Variants in PML observed in about 807,000 individuals in gnomAD.
PML encodes the protein PML nuclear body scaffold.
Under a neutral mutation model 65.2 loss-of-function variants are expected in PML, and 28 were observed. That is an observed-to-expected ratio of 0.43 (90% confidence interval 0.32 to 0.59). PML has a LOEUF of 0.59. PML is among the 20% of genes least tolerant of loss of function. PML has a pLI of 0.08. For missense variants in PML, 1,021 were observed against 1,203.4 expected, an observed-to-expected ratio of 0.85 and a Z score of 2.24; for synonymous variants, 500 against 508.8, an observed-to-expected ratio of 0.98 and a Z score of 0.23.
intron 5 of PML, 32 bp downstream of exon 5, chr15:74,032,747 C>T (rs1232555372): frequency 6.2e-7 from 1 of 1,610,718 alleles, no homozygotes; most frequent in Admixed American, 1.7e-5. Flanking sequence ...GCCTTCCCTC[C>T]TGAAGGCCTG....
intron 6 of PML, 52 bp downstream of exon 6, chr15:74,033,466 C>T (rs370548618): frequency 1.3e-5 from 20 of 1,599,854 alleles, no homozygotes; most frequent in African/African-American, 1.1e-4. Context: ...AGGGTCTGGG[C>T]GGTGCCCCTC....
At chr15:74,026,069 T>C (rs1213237022) in intron 4 of PML, 1 of 152,270 alleles carries the variant, frequency 6.6e-6, no homozygotes, top group African/African-American at 2.4e-5. Flanking sequence ...ACCCCCTTTT[T>C]TTCACAGAGG....
rs757201917 is a variant in PML, at chr15:74,037,139, C to T, written c.1710+2609C>T. On this transcript the variant is annotated intron_variant, in intron 7 of 8. Transcript: ENST00000268058. This position sits in a 1 kb window ranked among gnomAD's most constrained non-coding sequence, Gnocchi z 4.2. ...GACTGCTAAGGGCTCCTTGGTGCTCCGCCCAGCATGTCCTTTTGCTCTGCA... is the reference window on the plus strand; with the variant it reads ...GACTGCTAAGGGCTCCTTGGTGCTCTGCCCAGCATGTCCTTTTGCTCTGCA... 1.3e-4 allele frequency: 130 copies of T among 985,406 alleles called. No homozygotes were observed. In the South Asian group the frequency reaches 2.5e-3, roughly 19 times the overall value. 61.0% of individuals were successfully genotyped at this position (985,406 alleles called of 1,614,324 possible). A position where few individuals can be genotyped will look rare whatever the true frequency, so the allele number is the denominator to read the frequency against.
In PML at chr15:74,037,237, T is replaced by C. The variant is rs1295564463; in HGVS notation, c.1710+2707T>C. The C allele has an allele frequency of 5.1e-6, 5 of 985,426 alleles. No individual in the cohort carries two copies. The highest frequency in any genetic ancestry group is 6.0e-6 in the Non-Finnish European group (5 of 829,928). 61.0% of individuals were successfully genotyped at this position (985,426 alleles called of 1,614,324 possible). On this transcript the variant is annotated intron_variant, in intron 7 of 8. Transcript: ENST00000268058. This position sits in a 1 kb window ranked among gnomAD's most constrained non-coding sequence, Gnocchi z 4.2. ...ACCCTCAGCTGATGGCGGCACCTTC[T>C]GCTCCAGGGAGAAAACAGGAGCTCT...
chr15:74,042,595 T>A lies in PML; in HGVS notation c.1711-394T>A. The A allele has an allele frequency of 1.0e-6, 1 of 985,406 alleles. No individual in the cohort carries two copies. The highest frequency in any genetic ancestry group is 1.2e-6 in the Non-Finnish European group (1 of 829,936). The allele number at this position is 985,406 out of a possible 1,614,324, so 61.0% of individuals were successfully genotyped here. A position where few individuals can be genotyped will look rare whatever the true frequency, so the allele number is the denominator to read the frequency against. On this transcript the variant is annotated intron_variant, in intron 7 of 8. Transcript: ENST00000268058. This position sits in a 1 kb window ranked among gnomAD's most constrained non-coding sequence, Gnocchi z 5.3. ...AGCCTCCATAAGCAGCACAGCACAC[T>A]CATGCACACACCCACTGGCATTTTC...
chr15:74,032,824 T>A, intron 5 of PML, 109 bp downstream of exon 5: 1 of 1,204,366 alleles, frequency 8.3e-7, no homozygotes, highest in Non-Finnish European at 1.2e-6. Flanking sequence ...CAGCTCTTTG[T>A]GGGAAAGTGT....
chr15:74,042,562 C>T lies in PML; in HGVS notation c.1711-427C>T, dbSNP rs965519453. On this transcript the variant is annotated intron_variant, in intron 7 of 8. Coordinates refer to ENST00000268058, the MANE Select transcript of PML (RefSeq NM_033238.3). The surrounding 1 kb of genome is among the most constrained non-coding windows in gnomAD (Gnocchi z 5.3). ...TCCTGCCTGCCATAGCAGATGGCTC[C>T]TTCCCTGAGCCTCCATAAGCAGCAC... 16 of 985,412 alleles carry T rather than the reference C, an allele frequency of 1.6e-5. No individual in the cohort carries two copies. The highest frequency in any genetic ancestry group is 1.9e-5 in the Non-Finnish European group (16 of 829,896). The allele number at this position is 985,412 out of a possible 1,614,324, so 61.0% of individuals were successfully genotyped here. A position where few individuals can be genotyped will look rare whatever the true frequency, so the allele number is the denominator to read the frequency against.
chr15:74,020,516 C>G (rs2070788688), intron 2 of PML, among the ~76,000 whole-genome samples: 1 of 151,880 alleles, frequency 6.6e-6, no homozygotes, highest in Admixed American at 6.6e-5. Flanking sequence ...AGTATTTTCC[C>G]TGGTAATATT....
chr15:74,033,261 G>A lies in PML; in HGVS notation c.1504G>A (p.Ala502Thr). 6.2e-7 allele frequency: 1 copy of A among 1,614,230 alleles called. No individual in the cohort carries two copies. Among genetic ancestry groups the A allele is most frequent in the Non-Finnish European group, 8.5e-7 (1 of 1,180,026 alleles). ...TGAGGAGGGGAAGGAGGCAAGGTTG[G>A]CTCGGAGCTCCCCGGAGCAGCCCAG... Reference protein sequence around the residue: ...ESEEGKEARLARSSPEQPRPS... With the variant: ...ESEEGKEARLTRSSPEQPRPS... Residue 502 changes from alanine to threonine, a missense_variant, in exon 6 of 9, where the codon GCT (alanine) becomes ACT (threonine). Physicochemically the swap from Ala to Thr is moderately conservative, Grantham distance 58. Coordinates refer to ENST00000268058, the MANE Select transcript of PML (RefSeq NM_033238.3).
Position 74,043,709 on chromosome 15 carries a change from G to C in PML, c.1862-512G>C, listed in dbSNP as rs750448644. 3 of 530,520 alleles carry C rather than the reference G, an allele frequency of 5.7e-6. No homozygotes were observed. The highest frequency in any genetic ancestry group is 1.1e-5 in the Non-Finnish European group (3 of 267,264). The allele number at this position is 530,520 out of a possible 1,614,324, so 32.9% of individuals were successfully genotyped here. ...CTCAACATTGGGGCTAGCCCAGCCAGACAGAAACAGCAAGTGTTTTCATGG... is the reference window on the plus strand; with the variant it reads ...CTCAACATTGGGGCTAGCCCAGCCACACAGAAACAGCAAGTGTTTTCATGG... On this transcript the variant is annotated intron_variant, in intron 8 of 8. Coordinates refer to ENST00000268058, the MANE Select transcript of PML (RefSeq NM_033238.3). This position sits in a 1 kb window ranked among gnomAD's most constrained non-coding sequence, Gnocchi z 4.3.
chr15:74,034,085 C>G, intron 6 of PML: 1 of 366,222 alleles, frequency 2.7e-6, no homozygotes, highest in Non-Finnish European at 5.2e-6. Flanking sequence ...TTTTGATTAA[C>G]TAAATGAAGC....
chr15:74,015,578 G>C (rs2141802196), intron 2 of PML, among the ~76,000 whole-genome samples: 1 of 152,296 alleles, frequency 6.6e-6, no homozygotes, highest in Admixed American at 6.5e-5. Context: ...TGCTCCCCTG[G>C]CCCAACCAAC....
At chr15:74,000,572 T>C (rs2069716012) in intron 2 of PML, among the ~76,000 whole-genome samples, 1 of 152,226 alleles carries the variant, frequency 6.6e-6, no homozygotes, top group Non-Finnish European at 1.5e-5. Flanking sequence ...CCTCTCAAAG[T>C]GCTGGGATTA....
intron 2 of PML, among the ~76,000 whole-genome samples, chr15:74,019,125 C>T (rs772078416): frequency 1.3e-5 from 2 of 152,180 alleles, no homozygotes; most frequent in Non-Finnish European, 2.9e-5. Context: ...AGACACTTGC[C>T]GCCCATTTCC....
In PML at chr15:73,998,040, C is replaced by T. The variant is rs147696900; in HGVS notation, c.166C>T (p.Arg56Cys). 2.4e-5 allele frequency: 38 copies of T among 1,612,802 alleles called. No individual in the cohort carries two copies. The African/African-American group carries it at 4.5e-4, about 19-fold the overall frequency. Residue 56 changes from arginine to cysteine, a missense_variant, in exon 2 of 9, where the codon CGC becomes TGC. Arg to Cys is a radical substitution (Grantham distance 180). Transcript: ENST00000268058. ...PASEEEFQFL[R>C]CQQCQAEAKC... is the part of the protein sequence containing the mutation. ...TTCGGAGGAGGAGTTCCAGTTTCTGCGCTGCCAGCAATGCCAGGCGGAAGC... is the reference window on the plus strand; with the variant it reads ...TTCGGAGGAGGAGTTCCAGTTTCTGTGCTGCCAGCAATGCCAGGCGGAAGC...
Position 74,042,539 on chromosome 15 carries a change from C to T in PML, c.1711-450C>T. 1 of 985,356 alleles carries T rather than the reference C, an allele frequency of 1.0e-6. No individual in the cohort carries two copies. The highest frequency in any genetic ancestry group is 1.2e-6 in the Non-Finnish European group (1 of 829,860). The allele number at this position is 985,356 out of a possible 1,614,324, so 61.0% of individuals were successfully genotyped here. ...AAATTAGGAGCAGACATCTCAGGTC[C>T]TGCCTGCCATAGCAGATGGCTCCTT... On this transcript the variant is annotated intron_variant, in intron 7 of 8. Coordinates refer to ENST00000268058, the MANE Select transcript of PML (RefSeq NM_033238.3). This position sits in a 1 kb window ranked among gnomAD's most constrained non-coding sequence, Gnocchi z 5.3.
rs563977789 is a variant in PML, at chr15:74,019,767, C to A, written c.603-3061C>A. On this transcript the variant is annotated intron_variant, in intron 2 of 8. Coordinates refer to ENST00000268058, the MANE Select transcript of PML (RefSeq NM_033238.3). ...TGCCAGTCATTTTTCAAACTTTTATCCATATATTAACTCATTTAATCCTTC... is the reference window on the plus strand; with the variant it reads ...TGCCAGTCATTTTTCAAACTTTTATACATATATTAACTCATTTAATCCTTC... 5.3e-5 allele frequency among the ~76,000 whole-genome samples: 8 copies of A among 152,294 alleles called. No homozygotes were observed. The East Asian group carries it at 1.3e-3, about 26-fold the overall frequency.
At position 74,044,689 on chromosome 15, in the gene PML, G is replaced by A. The variant is rs2071752548; in HGVS notation, c.2330G>A (p.Cys777Tyr). 6.2e-7 allele frequency: 1 copy of A among 1,607,182 alleles called. No individual in the cohort carries two copies. The highest frequency in any genetic ancestry group is 2.2e-5 in the East Asian group (1 of 44,882). Reference protein sequence around the residue: ...QHVYPFSSLQCFASLQPLVQA... With the variant: ...QHVYPFSSLQYFASLQPLVQA... ...GTCTACCCCTTCAGTAGCCTGCAGTGCTTTGCCTCCCTGCAGCCCCTGGTG... is the reference window on the plus strand; with the variant it reads ...GTCTACCCCTTCAGTAGCCTGCAGTACTTTGCCTCCCTGCAGCCCCTGGTG... Residue 777 changes from cysteine to tyrosine, a missense_variant, in exon 9 of 9, where the codon TGC (cysteine) becomes TAC (tyrosine). Coordinates refer to ENST00000268058, the MANE Select transcript of PML (RefSeq NM_033238.3).
Position 74,043,318 on chromosome 15 carries a change from TG to T in PML, c.1861+180del. On this transcript the variant is annotated intron_variant, in intron 8 of 8. Transcript: ENST00000268058. This position sits in a 1 kb window ranked among gnomAD's most constrained non-coding sequence, Gnocchi z 4.3. ...GCTCCTGGCGTGTCATTTGCTGGCT[TG>T]AATAAAGATGTCCGCCTTATCCAGT... 1 of 1,472,644 alleles carries T rather than the reference TG, an allele frequency of 6.8e-7. No individual in the cohort carries two copies. The highest frequency in any genetic ancestry group is 8.9e-7 in the Non-Finnish European group (1 of 1,119,186). 91.2% of individuals were successfully genotyped at this position (1,472,644 alleles called of 1,614,324 possible). A position where few individuals can be genotyped will look rare whatever the true frequency, so the allele number is the denominator to read the frequency against.
Sources: gnomAD v4.1 joint callset for allele counts (sites outside exome capture counted in the v4.1 genomes callset) on GRCh38, gnomAD v4.1.1 for gene constraint, Gnocchi (gnomAD v3.1) non-coding constraint, MANE v1.5 for transcripts, NCBI Gene and HGNC (gene_info 2026-07-23, HGNC 2026-07-21) for gene names.